Variants in PDE4DIP observed in about 807,000 individuals in gnomAD.
PDE4DIP encodes the protein phosphodiesterase 4D interacting protein, also known as myomegalin.
A neutral mutation model predicts 221.4 loss-of-function variants in PDE4DIP; 59 were observed. The observed-to-expected ratio is 0.27, with a 90% CI of 0.22 to 0.33. PDE4DIP has a LOEUF of 0.33. Ranked by LOEUF, PDE4DIP falls within the 10% of genes least tolerant of loss-of-function variation. The pLI is 1.00. For synonymous variants in PDE4DIP, 404 were observed against 815.9 expected (o/e 0.50, Z 8.60); for missense variants, 1,036 against 2,154.2 (o/e 0.48, Z 10.28).
intron 5 of PDE4DIP, among the ~76,000 whole-genome samples, chr1:148,946,370 AT>A (rs1558912841): frequency 7.5e-6 from 1 of 133,794 alleles, no homozygotes; most frequent in Non-Finnish European, 1.6e-5. Flanking sequence ...ATTGAAAAAA[AT>A]AAATAAATAA....
chr1:149,007,119 A>C, intron 27 of PDE4DIP, 82 bp from the exon 31 acceptor site: 1 of 664,966 alleles, frequency 1.5e-6, no homozygotes, highest in Admixed American at 2.5e-5. Context: ...TCTCATAGAA[A>C]TCTCTACAGA....
intron 1 of PDE4DIP, 128 bp from the exon 5 acceptor site, chr1:148,929,069 C>G: frequency 1.3e-6 from 1 of 773,792 alleles, no homozygotes. Flanking sequence ...CTAATTATGT[C>G]AAGGGTCACA....
intron 14 of PDE4DIP, among the ~76,000 whole-genome samples, chr1:148,971,051 T>G: frequency 6.6e-6 from 1 of 152,150 alleles, no homozygotes. Context: ...ATTTTCTGTT[T>G]AAATGCAGAC....
intron 4 of PDE4DIP, among the ~76,000 whole-genome samples, chr1:148,935,541 C>A (rs1412960876): frequency 4.2e-5 from 1 of 23,644 alleles, no homozygotes; most frequent in African/African-American, 1.7e-4. Context: ...GGAAAACCAC[C>A]CAAGTCTTTG....
At chr1:148,892,573 C>T (rs1179777532) in intron 1 of PDE4DIP, among the ~76,000 whole-genome samples, 2 of 120,892 alleles carry the variant, frequency 1.7e-5, no homozygotes, top group Non-Finnish European at 3.3e-5. Context: ...GTAGATATGG[C>T]CCTGTCTCTA....
chr1:148,978,758 T>A (rs1197251062), intron 19 of PDE4DIP, among the ~76,000 whole-genome samples: 1 of 152,078 alleles, frequency 6.6e-6, no homozygotes, highest in Non-Finnish European at 1.5e-5. Flanking sequence ...CAAACCTTAT[T>A]TTTCTACTGT....
At position 148,865,081 on chromosome 1, in the gene PDE4DIP, T is replaced by C. The variant is rs1261858221; in HGVS notation, c.289+1776T>C. Among the ~76,000 whole-genome samples, 112 of 141,642 alleles carry C rather than the reference T, an allele frequency of 7.9e-4. 1 individual carries two copies. In the East Asian group the frequency reaches 0.017, roughly 21 times the overall value. The allele number at this position is 141,642 out of a possible 152,430, so 92.9% of individuals were successfully genotyped here. A position where few individuals can be genotyped will look rare whatever the true frequency, so the allele number is the denominator to read the frequency against. Reference sequence around the variant, plus strand: ...ATGTGGAAGAAATCATTTTTTCTAATTACATTTATTTATTTATTTATTTTT... The same window carrying C: ...ATGTGGAAGAAATCATTTTTTCTAACTACATTTATTTATTTATTTATTTTT... On this transcript the variant is annotated intron_variant, in intron 2 of 45. Transcript: ENST00000524974.
chr1:149,020,928 C>T, intron 36 of PDE4DIP, 101 bp from the exon 40 acceptor site: 1 of 651,126 alleles, frequency 1.5e-6, no homozygotes, highest in Non-Finnish European at 2.6e-6. Context: ...CTAACTGTAA[C>T]CCTTTATGAC....
At chr1:149,013,294 C>T (rs1219186033) in intron 32 of PDE4DIP, among the ~76,000 whole-genome samples, 1 of 140,528 alleles carries the variant, frequency 7.1e-6, no homozygotes, top group Non-Finnish European at 1.5e-5. Flanking sequence ...AGCCCCTTTT[C>T]CTACTGCACA....
chr1:148,991,627 C>T (rs372399716), intron 21 of PDE4DIP: 9 of 896,010 alleles, frequency 1.0e-5, no homozygotes, highest in Non-Finnish European at 1.2e-5. Context: ...ATCCGACAGT[C>T]GGCTCCTTAG....
At chr1:148,898,743 C>A (rs1553444674) in intron 1 of PDE4DIP, among the ~76,000 whole-genome samples, 1 of 90,100 alleles carries the variant, frequency 1.1e-5, no homozygotes, top group Admixed American at 1.2e-4. Context: ...AGGCTGGTCT[C>A]AATCTCCTGA....
chr1:148,944,716 C>T (rs2051224270), intron 5 of PDE4DIP, among the ~76,000 whole-genome samples: 1 of 149,810 alleles, frequency 6.7e-6, no homozygotes, highest in African/African-American at 2.5e-5. Context: ...ACTAAGAATA[C>T]AAAAATTAGC....
intron 1 of PDE4DIP, among the ~76,000 whole-genome samples, chr1:148,926,550 ATTATAG>A (rs1211447685): frequency 3.5e-5 from 5 of 144,572 alleles, no homozygotes; most frequent in South Asian, 2.3e-4. Context: ...TATAATTAAA[ATTATAG>A]TTATACCTGT....
chr1:149,001,547 T>C, intron 23 of PDE4DIP, 44 bp from the exon 27 acceptor site: 1 of 862,282 alleles, frequency 1.2e-6, no homozygotes, highest in Non-Finnish European at 1.8e-6. Context: ...TAGGAACTGT[T>C]GTGAGGACCA....
intron 4 of PDE4DIP, chr1:148,932,597 C>G (rs1279069273): frequency 2.1e-6 from 1 of 478,192 alleles, no homozygotes; most frequent in African/African-American, 2.0e-5. Context: ...GTTACAGAAA[C>G]AAAAGACCTA....
At chr1:148,876,918 G>A (rs1691643354) in intron 3 of PDE4DIP, among the ~76,000 whole-genome samples, 1 of 137,028 alleles carries the variant, frequency 7.3e-6, no homozygotes, top group Non-Finnish European at 1.5e-5. Flanking sequence ...GGAGGCTGAG[G>A]CAGGAGAATC....
At chr1:148,990,000 C>A (rs1186083233) in intron 21 of PDE4DIP, among the ~76,000 whole-genome samples, 1 of 152,156 alleles carries the variant, frequency 6.6e-6, no homozygotes, top group Non-Finnish European at 1.5e-5. Flanking sequence ...TGCCACAGAC[C>A]TCTAAAGATG....
At chr1:148,859,643 C>T (rs2477097) in intron 1 of PDE4DIP, among the ~76,000 whole-genome samples, 3,060 of 118,318 alleles carry the variant, frequency 0.026, 32 homozygotes, top group African/African-American at 0.078. Flanking sequence ...AGTGGCCTGG[C>T]GAACCACATA....
chr1:148,953,631 GT>G (rs782423610), intron 5 of PDE4DIP: 1 of 1,470,126 alleles, frequency 6.8e-7, no homozygotes, highest in East Asian at 2.3e-5. Context: ...CAGCATGGGT[GT>G]AATCACAAGC....
Sources: allele counts gnomAD v4.1 joint callset (sites outside exome capture counted in the v4.1 genomes callset), GRCh38; gene constraint gnomAD v4.1.1; transcripts MANE v1.5; gene names NCBI Gene and HGNC (gene_info 2026-07-23, HGNC 2026-07-21).